RAG1: variants seen among roughly 807,000 people sequenced by gnomAD.
RAG1 encodes V(D)J recombination-activating protein 1.
A neutral mutation model predicts 62.7 loss-of-function variants in RAG1; 35 were observed. The ratio of observed to expected loss-of-function variants is 0.56; its 90% CI spans 0.43 to 0.74. The LOEUF (loss-of-function observed/expected upper bound fraction) is 0.74. Among genes scored for constraint, RAG1 ranks in the 30% least tolerant of loss-of-function variants. The pLI is 0.00. For missense variants in RAG1, 1,169 were observed against 1,278.6 expected (o/e 0.91, Z 1.31); for synonymous variants, 461 against 470.3 (o/e 0.98, Z 0.26).
At chr11:36,538,327 C>T (rs1860363446), downstream of RAG1, among the ~76,000 whole-genome samples, 1 of 152,082 alleles carries the variant, frequency 6.6e-6, no homozygotes, top group Non-Finnish European at 1.5e-5. Flanking sequence ...GCTGCAGTCC[C>T]AAATGCTAGC....
intron 3 of RAG1, among the ~76,000 whole-genome samples, chr11:36,558,164 T>C (rs1850529944): frequency 6.6e-6 from 1 of 152,150 alleles, no homozygotes; most frequent in South Asian, 2.1e-4. Context: ...TTTTAAAAAA[T>C]TTGTTGAGAC....
intron 1 of RAG1, among the ~76,000 whole-genome samples, chr11:36,569,123 G>C (rs946461055): frequency 6.6e-6 from 1 of 152,134 alleles, no homozygotes; most frequent in Admixed American, 6.5e-5. Context: ...CAGCTGGGAT[G>C]GAAATGGGGG....
chr11:36,535,765 A>AAAT (rs1554941727), intron 2 of RAG1, among the ~76,000 whole-genome samples: 4 of 151,980 alleles, frequency 2.6e-5, no homozygotes, highest in African/African-American at 9.7e-5. Context: ...ATAAATAAAT[A>AAAT]AAATAAATAA....
rs548151157 is a variant in RAG1, at chr11:36,543,488, C to T, written c.-412+7454C>T. On this transcript the variant is annotated intron_variant and NMD_transcript_variant, in intron 3 of 9. Coordinates refer to the RAG1 transcript ENST00000534663. ...CCCGAAAAATCAGACCCTCCCCGCC[C>T]TCAGATCCCAAAGCTTATTGGGAGG... 2.0e-5 allele frequency among the ~76,000 whole-genome samples: 3 copies of T among 152,316 alleles called. No homozygotes were observed. In the East Asian group the frequency reaches 5.8e-4, roughly 29 times the overall value.
Position 36,575,219 on chromosome 11 carries a change from C to G in RAG1, c.1915C>G (p.Gln639Glu). The stretch of plus-strand genomic sequence containing the variant: ...GAAAATTACTATTGCCCACAGCTCT[C>G]AGAATGTGAAAGTATTTGAAGAAGC... Reference protein sequence around the residue: ...IMKITIAHSSQNVKVFEEAKP... With the variant: ...IMKITIAHSSENVKVFEEAKP... Residue 639 changes from glutamine to glutamate, a missense_variant, in exon 2 of 2, where the codon CAG becomes GAG. Gln to Glu is a conservative substitution (Grantham distance 29). Around this residue, in one of 2 missense-constraint regions of RAG1, gnomAD observed 800 missense variants for 943.3 expected, o/e 0.85. Coordinates refer to ENST00000299440, the MANE Select transcript of RAG1 (RefSeq NM_000448.3). The surrounding 1 kb of genome is among the most constrained non-coding windows in gnomAD (Gnocchi z 4.1). 1 of 1,614,174 alleles carries G rather than the reference C, an allele frequency of 6.2e-7. No homozygotes were observed. Among genetic ancestry groups the G allele is most frequent in the Non-Finnish European group, 8.5e-7 (1 of 1,180,038 alleles).
chr11:36,512,851 C>G (rs917993123), intron 1 of RAG1, among the ~76,000 whole-genome samples: 3 of 152,124 alleles, frequency 2.0e-5, no homozygotes, highest in African/African-American at 7.2e-5. Context: ...AATATTTTGT[C>G]CAGTTGTCCT....
chr11:36,527,511 G>T (rs1417048257), intron 2 of RAG1, among the ~76,000 whole-genome samples: 1 of 152,134 alleles, frequency 6.6e-6, no homozygotes, highest in Non-Finnish European at 1.5e-5. Context: ...TTGAAGTCAG[G>T]TAGCGTGATG....
At chr11:36,547,109 G>A (rs756167717) in intron 3 of RAG1, among the ~76,000 whole-genome samples, 1 of 151,572 alleles carries the variant, frequency 6.6e-6, no homozygotes, top group Non-Finnish European at 1.5e-5. Context: ...GGCCTGTCAT[G>A]CTAGGTTGGA....
At chr11:36,537,809 C>T (rs1326296666), downstream of RAG1, among the ~76,000 whole-genome samples, 1 of 152,076 alleles carries the variant, frequency 6.6e-6, no homozygotes, top group Non-Finnish European at 1.5e-5. Flanking sequence ...GGGGGAACAC[C>T]CACCATTTCT....
intron 3 of RAG1, among the ~76,000 whole-genome samples, chr11:36,550,654 C>G (rs1264277618): frequency 6.6e-6 from 1 of 152,140 alleles, no homozygotes; most frequent in Non-Finnish European, 1.5e-5. Flanking sequence ...TCAGGCATAG[C>G]TGTGTCCAAG....
chr11:36,518,650 T>C (rs1860031456), intron 1 of RAG1, among the ~76,000 whole-genome samples: 1 of 152,260 alleles, frequency 6.6e-6, no homozygotes, highest in African/African-American at 2.4e-5. Flanking sequence ...TTTTGAGAAC[T>C]GTCTGTTCAT....
Position 36,573,556 on chromosome 11 carries a change from CCCT to C in RAG1, c.253_255del (p.Pro85del). ...CAACTCAGCCATTGTTAAAAGCCCACCCTAAGTTTTCAAAGAAATTTCACGACA... is the reference window on the plus strand; with the variant it reads ...CAACTCAGCCATTGTTAAAAGCCCACAAGTTTTCAAAGAAATTTCACGACA... On this transcript the variant is annotated inframe_deletion, in exon 2 of 2. Coordinates refer to ENST00000299440, the MANE Select transcript of RAG1 (RefSeq NM_000448.3). 1 of 1,614,122 alleles carries C rather than the reference CCCT, an allele frequency of 6.2e-7. No individual in the cohort carries two copies. The highest frequency in any genetic ancestry group is 2.2e-5 in the East Asian group (1 of 44,890).
intron 2 of RAG1, among the ~76,000 whole-genome samples, chr11:36,534,682 G>C (rs1187238925): frequency 6.6e-6 from 1 of 152,170 alleles, no homozygotes; most frequent in East Asian, 1.9e-4. Flanking sequence ...AAGATGTAGG[G>C]AAGGGTGAAG....
chr11:36,514,542 A>C (rs1859969807), intron 1 of RAG1, among the ~76,000 whole-genome samples: 1 of 152,204 alleles, frequency 6.6e-6, no homozygotes, highest in Admixed American at 6.5e-5. Flanking sequence ...TATATAATGA[A>C]ATAATTATAC....
At position 36,574,870 on chromosome 11, in the gene RAG1, G is replaced by T. The variant is rs193922461; in HGVS notation, c.1566G>T (p.Trp522Cys). 196 of 1,614,090 alleles carry T rather than the reference G, an allele frequency of 1.2e-4. No homozygotes were observed. Among genetic ancestry groups the T allele is most frequent in the Non-Finnish European group, 1.6e-4 (183 of 1,180,046 alleles). The change falls in exon 2 of 2, where the codon TGG becomes TGT. Residue 522 changes from tryptophan to cysteine, a missense_variant. Physicochemically the swap from Trp to Cys is radical, Grantham distance 215. Around this residue, in one of 2 missense-constraint regions of RAG1, gnomAD observed 800 missense variants for 943.3 expected, o/e 0.85. Transcript: ENST00000299440. ...VLLPGYHHFE[W>C]QPPLKNVSSS... ...TGCCAGGCTACCACCACTTTGAGTG[G>T]CAGCCACCTCTGAAGAATGTGTCTT...
In RAG1 at chr11:36,576,152, A is replaced by T; in HGVS notation, c.2848A>T (p.Ile950Phe). 6.2e-7 allele frequency: 1 copy of T among 1,614,102 alleles called. No individual in the cohort carries two copies. Among genetic ancestry groups the T allele is most frequent in the Non-Finnish European group, 8.5e-7 (1 of 1,180,014 alleles). The change falls in exon 2 of 2, where the codon ATT (isoleucine) becomes TTT (phenylalanine). Residue 950 changes from isoleucine (I) to phenylalanine (F), a missense_variant. This residue lies in a region of RAG1 where 800 missense variants were observed against 943.3 expected (regional missense o/e 0.85). Transcript: ENST00000299440. ...AACCCTGGCCCATGTTCCTGAAATT[A>T]TTGAGAGGGATGGCTCCATTGGGGC... ...HKTLAHVPEI[I>F]ERDGSIGAWA...
intron 1 of RAG1, among the ~76,000 whole-genome samples, chr11:36,516,970 T>G (rs191128699): frequency 1.8e-4 from 27 of 152,360 alleles, no homozygotes; most frequent in African/African-American, 6.3e-4. Context: ...GTTTAGGAAG[T>G]GTCTGAATTT....
chr11:36,574,654 A>T lies in RAG1; in HGVS notation c.1350A>T (p.Gln450His). 6.2e-7 allele frequency: 1 copy of T among 1,614,186 alleles called. No individual in the cohort carries two copies. The highest frequency in any genetic ancestry group is 8.5e-7 in the Non-Finnish European group (1 of 1,180,020). Residue 450 changes from glutamine (Q) to histidine (H), a missense_variant, in exon 2 of 2, where the codon CAA becomes CAT. By Grantham distance (24) the Gln-to-His change is conservative (BLOSUM62 0). Coordinates refer to ENST00000299440, the MANE Select transcript of RAG1 (RefSeq NM_000448.3). ...TGAGGGCGAGGAATGAGCACAGGCA[A>T]GCTGATGAGCTGGAGGCCATCATGC... ...LALRARNEHR[Q>H]ADELEAIMQG...
chr11:36,551,672 A>T (rs1338968001), intron 3 of RAG1, among the ~76,000 whole-genome samples: 7 of 139,064 alleles, frequency 5.0e-5, no homozygotes, highest in African/African-American at 8.2e-5. Context: ...TTAGTTACAT[A>T]TGTATACATG....
Sources: allele counts gnomAD v4.1 joint callset (sites outside exome capture counted in the v4.1 genomes callset), GRCh38; gene constraint gnomAD v4.1.1; regional missense constraint gnomAD v4.1.1; non-coding constraint Gnocchi (gnomAD v3.1); transcripts MANE v1.5; gene names NCBI Gene and HGNC (gene_info 2026-07-23, HGNC 2026-07-21).